The following DOCK3 variants were observed in gnomAD, a reference collection of about 807,000 sequenced individuals.
DOCK3 encodes the protein dedicator of cytokinesis 3, also known as dedicator of cytokinesis protein 3.
Under a neutral mutation model 265.6 loss-of-function variants are expected in DOCK3, and 60 were observed. The observed-to-expected ratio is 0.23, with a 90% CI of 0.18 to 0.28. The LOEUF (loss-of-function observed/expected upper bound fraction) is 0.28, where lower values mean the gene tolerates loss of function less well. DOCK3 is among the 10% of genes least tolerant of loss of function. The pLI, the probability that DOCK3 is intolerant of heterozygous loss-of-function variation, is 1.00. For missense variants in DOCK3, 1,981 were observed against 2,594.3 expected (o/e 0.76, Z 5.14); for synonymous variants, 881 against 938.0 (o/e 0.94, Z 1.11).
intron 35 of DOCK3, among the ~76,000 whole-genome samples, chr3:51,337,138 C>T (rs963049489): frequency 1.3e-5 from 2 of 152,188 alleles, no homozygotes; most frequent in Non-Finnish European, 2.9e-5. Context: ...TCAAACCCCC[C>T]TAGAAAGGAG....
chr3:51,173,730 A>G (rs530436608), intron 12 of DOCK3, among the ~76,000 whole-genome samples: 1 of 152,194 alleles, frequency 6.6e-6, no homozygotes, highest in African/African-American at 2.4e-5. Context: ...CTTATATCTT[A>G]CTGCTTTCAA....
chr3:50,992,731 A>G (rs1351809743), intron 5 of DOCK3, among the ~76,000 whole-genome samples: 1 of 152,226 alleles, frequency 6.6e-6, no homozygotes, highest in Admixed American at 6.5e-5. Context: ...AGAAATAGAA[A>G]CAACCATTAA....
chr3:51,054,093 T>C (rs2081107855), intron 5 of DOCK3, among the ~76,000 whole-genome samples: 1 of 148,004 alleles, frequency 6.8e-6, no homozygotes, highest in Non-Finnish European at 1.5e-5. Flanking sequence ...ACTTCCTCAT[T>C]TGGTGAAGCA....
At chr3:50,761,738 C>T (rs896598689) in intron 1 of DOCK3, among the ~76,000 whole-genome samples, 6 of 152,142 alleles carry the variant, frequency 3.9e-5, no homozygotes, top group Non-Finnish European at 7.3e-5. Context: ...ATAAAATGTC[C>T]GTTCCCATCC....
chr3:51,280,938 A>G (rs573214472), intron 27 of DOCK3, among the ~76,000 whole-genome samples: 3 of 152,184 alleles, frequency 2.0e-5, no homozygotes, highest in Admixed American at 2.0e-4. Context: ...AGCTTCTACT[A>G]CTATTTTTAG....
At chr3:51,366,753 A>G (rs1053725819) in intron 49 of DOCK3, among the ~76,000 whole-genome samples, 1 of 152,236 alleles carries the variant, frequency 6.6e-6, no homozygotes, top group African/African-American at 2.4e-5. Flanking sequence ...TGTACCCAGT[A>G]GTCATTCAGG....
chr3:50,955,820 C>T (rs1378741062), intron 5 of DOCK3, among the ~76,000 whole-genome samples: 1 of 152,042 alleles, frequency 6.6e-6, no homozygotes, highest in African/African-American at 2.4e-5. Context: ...TGCACGTGTA[C>T]CCCTGAATGG....
intron 1 of DOCK3, among the ~76,000 whole-genome samples, chr3:50,703,426 A>G (rs1391080191): frequency 1.3e-5 from 2 of 152,268 alleles, no homozygotes; most frequent in East Asian, 1.9e-4. Flanking sequence ...GTTCCTCTTC[A>G]TAAGTTTGGT....
At chr3:51,141,608 C>T (rs1251290681) in intron 9 of DOCK3, among the ~76,000 whole-genome samples, 2 of 152,024 alleles carry the variant, frequency 1.3e-5, no homozygotes, top group Non-Finnish European at 2.9e-5. Flanking sequence ...TCTTAACACC[C>T]TTGTAAAAAA....
At chr3:50,763,470 A>G (rs1255759443) in intron 1 of DOCK3, among the ~76,000 whole-genome samples, 3 of 151,828 alleles carry the variant, frequency 2.0e-5, no homozygotes, top group Non-Finnish European at 4.4e-5. Context: ...TTTAGTAGAG[A>G]TGGGGTTTTG....
At chr3:50,955,379 G>T (rs1371547794) in intron 5 of DOCK3, among the ~76,000 whole-genome samples, 2 of 152,110 alleles carry the variant, frequency 1.3e-5, no homozygotes, top group African/African-American at 4.8e-5. Flanking sequence ...AAAGACACAT[G>T]CACACAAATG....
intron 5 of DOCK3, among the ~76,000 whole-genome samples, chr3:51,032,508 G>A (rs1339596498): frequency 6.6e-6 from 1 of 151,964 alleles, no homozygotes; most frequent in Non-Finnish European, 1.5e-5. Context: ...TGCTTATTGT[G>A]TTTGCATGAT....
chr3:51,331,687 G>A (rs2084528911), intron 33 of DOCK3, among the ~76,000 whole-genome samples: 1 of 152,220 alleles, frequency 6.6e-6, no homozygotes, highest in Non-Finnish European at 1.5e-5. Context: ...GCTGGGTGCA[G>A]TGGTACGCAC....
At chr3:50,820,149 C>T (rs1489189682) in intron 2 of DOCK3, among the ~76,000 whole-genome samples, 3 of 152,152 alleles carry the variant, frequency 2.0e-5, no homozygotes, top group African/African-American at 7.2e-5. Context: ...CAGCCCATGC[C>T]GCTGCTCTGT....
chr3:51,112,824 G>C (rs1270992071), intron 9 of DOCK3, among the ~76,000 whole-genome samples: 23 of 150,834 alleles, frequency 1.5e-4, no homozygotes, highest in Admixed American at 1.5e-3. Flanking sequence ...AATTAAAACA[G>C]GATTTCTCAG....
Position 50,735,907 on chromosome 3 carries a change from T to G in DOCK3, c.38-42768T>G, listed in dbSNP as rs572055410. Among the ~76,000 whole-genome samples the G allele has an allele frequency of 2.6e-5, 4 of 152,290 alleles. No homozygotes were observed. The East Asian group carries it at 7.7e-4, about 29-fold the overall frequency. On this transcript the variant is annotated intron_variant, in intron 1 of 52. Transcript: ENST00000266037. ...GCATAGCAGGAGCAGGCATCTTTTT[T>G]GTTTTAATTATACTTTAAGTTCTAG...
intron 5 of DOCK3, among the ~76,000 whole-genome samples, chr3:51,012,966 C>A (rs1037880002): frequency 2.0e-5 from 3 of 152,182 alleles, no homozygotes; most frequent in African/African-American, 7.2e-5. Flanking sequence ...GTGTGTGTCA[C>A]ATAGTTCTCG....
chr3:50,732,334 A>G (rs1390115772), intron 1 of DOCK3, among the ~76,000 whole-genome samples: 1 of 152,036 alleles, frequency 6.6e-6, no homozygotes, highest in Non-Finnish European at 1.5e-5. Flanking sequence ...TGATGGGTTG[A>G]TAGGTGCAGC....
chr3:50,819,954 T>G lies in DOCK3; in HGVS notation c.122-21721T>G, dbSNP rs374348778. On this transcript the variant is annotated intron_variant, in intron 2 of 52. Transcript: ENST00000266037. ...TCTAACTTGGGCGAGAGAGCAAGAC[T>G]CCGTCTCAAAATAAAAAACAACAAC... is the stretch of plus-strand genomic sequence containing the variant. Among the ~76,000 whole-genome samples, 125 of 152,150 alleles carry G rather than the reference T, an allele frequency of 8.2e-4. No individual in the cohort carries two copies. The South Asian group carries it at 8.5e-3, about 10-fold the overall frequency.
Sources: allele counts gnomAD v4.1 joint callset (sites outside exome capture counted in the v4.1 genomes callset), GRCh38; gene constraint gnomAD v4.1.1; transcripts MANE v1.5; gene names NCBI Gene and HGNC (gene_info 2026-07-23, HGNC 2026-07-21).